The following TSC22D2 variants were observed in gnomAD, a reference collection of about 807,000 sequenced individuals.
TSC22D2 encodes the protein TSC22 domain family member 2, also known as TSC22 domain family protein 2.
A neutral mutation model predicts 50.1 loss-of-function variants in TSC22D2; 5 were observed. The ratio of observed to expected loss-of-function variants is 0.10; its 90% CI spans 0.05 to 0.21. TSC22D2 has a LOEUF of 0.21. Ranked by LOEUF, TSC22D2 falls within the 10% of genes least tolerant of loss-of-function variation. The pLI is 1.00. For missense variants in TSC22D2, 1,003 were observed against 1,015.5 expected (o/e 0.99, Z 0.17); for synonymous variants, 501 against 450.1 (o/e 1.11, Z -1.43).
chr3:150,413,653 C>T (rs1719678389), intron 1 of TSC22D2, among the ~76,000 whole-genome samples: 1 of 149,504 alleles, frequency 6.7e-6, no homozygotes, highest in African/African-American at 2.5e-5. Context: ...AACAGTTTTC[C>T]AGGCATATGT....
chr3:150,457,973 A>G (rs1721242141), intron 2 of TSC22D2, among the ~76,000 whole-genome samples: 1 of 152,210 alleles, frequency 6.6e-6, no homozygotes, highest in Non-Finnish European at 1.5e-5. Flanking sequence ...CCAAAATTTT[A>G]AAGTCCAAAA....
chr3:150,453,467 C>G (rs1450343), intron 1 of TSC22D2, among the ~76,000 whole-genome samples: 1 of 152,136 alleles, frequency 6.6e-6, no homozygotes, highest in Non-Finnish European at 1.5e-5. Context: ...ATTGGTATCT[C>G]CATCGTAAAT....
rs888922300 is a variant in TSC22D2 at position 150,410,326 on chromosome 3, C to T, written c.976C>T (p.Pro326Ser). Residue 326 changes from proline to serine, a missense_variant, in exon 1 of 3, where the codon CCG becomes TCG. Transcript: ENST00000688009. ...GAGPGGQTLP[P>S]TNVTLAQPAM... ...GGGGCCCGGGGGACAGACTCTGCCGCCGACGAATGTAACCCTGGCGCAGCC... is the reference window on the plus strand; with the variant it reads ...GGGGCCCGGGGGACAGACTCTGCCGTCGACGAATGTAACCCTGGCGCAGCC... 3 of 1,580,006 alleles carry T rather than the reference C, an allele frequency of 1.9e-6. No homozygotes were observed. The African/African-American group carries it at 4.1e-5, about 21-fold the overall frequency.
At chr3:150,449,779 G>A (rs1285692125) in intron 1 of TSC22D2, among the ~76,000 whole-genome samples, 1 of 152,090 alleles carries the variant, frequency 6.6e-6, no homozygotes, top group Non-Finnish European at 1.5e-5. Flanking sequence ...GAGGTCGGGA[G>A]AGGAGAGAAA....
chr3:150,458,826 A>G lies in TSC22D2; in HGVS notation c.*190A>G, dbSNP rs527515952. On this transcript the variant is annotated 3_prime_UTR_variant, in exon 3 of 3. Transcript: ENST00000688009. ...ATGTCATGCAGCGCTGTTGATGTCC[A>G]GTTCTATGTCATCAGTACACAAGGA... is the stretch of plus-strand genomic sequence containing the variant. The G allele has an allele frequency of 3.0e-6, 2 of 669,680 alleles. No individual in the cohort carries two copies. The highest frequency in any genetic ancestry group is 2.8e-5 in the East Asian group (1 of 36,032). The allele number at this position is 669,680 out of a possible 1,614,324, so 41.5% of individuals were successfully genotyped here.
At position 150,459,845 on chromosome 3, in the gene TSC22D2, A is replaced by C. The variant is rs1234190644; in HGVS notation, c.*1209A>C. ...TAGTTGTAAAAAAAAAAAAAAAAAA[A>C]AGTGAGCCATCTTTTGTTCATTTAA... On this transcript the variant is annotated 3_prime_UTR_variant, in exon 3 of 3. Transcript: ENST00000688009. The C allele has an allele frequency of 1.4e-5, 2 of 141,830 alleles. No individual in the cohort carries two copies. Among genetic ancestry groups the C allele is most frequent in the African/African-American group, 2.6e-5 (1 of 38,198 alleles). 8.8% of individuals were successfully genotyped at this position (141,830 alleles called of 1,614,324 possible). A position where few individuals can be genotyped will look rare whatever the true frequency, so the allele number is the denominator to read the frequency against.
chr3:150,411,259 G>A lies in TSC22D2; in HGVS notation c.1909G>A (p.Ala637Thr). The change falls in exon 1 of 3, where the codon GCC becomes ACC. Residue 637 changes from alanine to threonine, a missense_variant. Ala to Thr is a moderately conservative substitution (Grantham distance 58). Transcript: ENST00000688009. ...TCAGTTAACACCTATGAACAGTCTG[G>A]CCACCTCTGTATTCAGCATAGCTAT... Reference protein sequence around the residue: ...PLQLTPMNSLATSVFSIAIPV... With the variant: ...PLQLTPMNSLTTSVFSIAIPV... The A allele has an allele frequency of 6.2e-7, 1 of 1,614,164 alleles. No individual in the cohort carries two copies.
In TSC22D2 at chr3:150,458,823, T is replaced by A; in HGVS notation, c.*187T>A. ...GAGATGTCATGCAGCGCTGTTGATG[T>A]CCAGTTCTATGTCATCAGTACACAA... is the stretch of plus-strand genomic sequence containing the variant. On this transcript the variant is annotated 3_prime_UTR_variant, in exon 3 of 3. Coordinates refer to ENST00000688009, the MANE Select transcript of TSC22D2 (RefSeq NM_001303264.2). The A allele has an allele frequency of 1.5e-6, 1 of 680,618 alleles. No individual in the cohort carries two copies. Among genetic ancestry groups the A allele is most frequent in the Non-Finnish European group, 2.5e-6 (1 of 407,734 alleles). The allele number at this position is 680,618 out of a possible 1,614,324, so 42.2% of individuals were successfully genotyped here.
intron 1 of TSC22D2, among the ~76,000 whole-genome samples, chr3:150,413,121 C>T (rs926757124): frequency 1.3e-5 from 2 of 152,134 alleles, no homozygotes; most frequent in Non-Finnish European, 2.9e-5. Context: ...AGGCATGAAG[C>T]AGAGACTTCT....
chr3:150,432,931 A>G (rs1047314854), intron 1 of TSC22D2, among the ~76,000 whole-genome samples: 9 of 152,306 alleles, frequency 5.9e-5, no homozygotes, highest in Admixed American at 5.9e-4. Flanking sequence ...ACATGCTGAT[A>G]GTAATATTCC....
intron 1 of TSC22D2, among the ~76,000 whole-genome samples, chr3:150,456,176 T>G (rs1455628458): frequency 1.4e-5 from 1 of 71,982 alleles, no homozygotes; most frequent in East Asian, 2.7e-4. Flanking sequence ...TGTTGTTTCT[T>G]TTTGTTTTTT....
At chr3:150,439,463 ATC>A (rs1720646651) in intron 1 of TSC22D2, among the ~76,000 whole-genome samples, 1 of 152,214 alleles carries the variant, frequency 6.6e-6, no homozygotes, top group South Asian at 2.1e-4. Flanking sequence ...TAATTAAGTT[ATC>A]TCTTATTCCG....
rs1310433886 is a variant in TSC22D2 at position 150,463,760 on chromosome 3, A to G, written c.*5124A>G. 1 of 152,150 alleles carries G rather than the reference A, an allele frequency of 6.6e-6. No individual in the cohort carries two copies. The highest frequency in any genetic ancestry group is 1.5e-5 in the Non-Finnish European group (1 of 68,022). 9.4% of individuals were successfully genotyped at this position (152,150 alleles called of 1,614,324 possible). On this transcript the variant is annotated 3_prime_UTR_variant, in exon 3 of 3. Coordinates refer to ENST00000688009, the MANE Select transcript of TSC22D2 (RefSeq NM_001303264.2). ...CCCCCCCGAACCCCGCCATGGAATC[A>G]TCAAATAAGAAAAATAAGACAGATT...
At chr3:150,453,001 T>G (rs562983629) in intron 1 of TSC22D2, among the ~76,000 whole-genome samples, 4 of 152,324 alleles carry the variant, frequency 2.6e-5, no homozygotes, top group Non-Finnish European at 4.4e-5. Flanking sequence ...TCTGAACTCA[T>G]TTTTCCCTCA....
At chr3:150,448,899 TAGG>T in intron 1 of TSC22D2, among the ~76,000 whole-genome samples, 1 of 150,624 alleles carries the variant, frequency 6.6e-6, no homozygotes, top group South Asian at 2.1e-4. Flanking sequence ...TATATATAAT[TAGG>T]GGATAAATTT....
At chr3:150,449,303 C>T (rs1018056135) in intron 1 of TSC22D2, among the ~76,000 whole-genome samples, 1 of 152,136 alleles carries the variant, frequency 6.6e-6, no homozygotes. Flanking sequence ...ATAACTCCTT[C>T]ATGAGTCATT....
intron 1 of TSC22D2, among the ~76,000 whole-genome samples, chr3:150,421,199 C>T (rs1719995217): frequency 6.6e-6 from 1 of 152,174 alleles, no homozygotes; most frequent in Admixed American, 6.5e-5. Context: ...CCAAGATACT[C>T]TTTCTTATTC....
chr3:150,409,204 A>G lies in TSC22D2; in HGVS notation c.-147A>G, dbSNP rs1188877614. On this transcript the variant is annotated 5_prime_UTR_variant, in exon 1 of 3. Coordinates refer to ENST00000688009, the MANE Select transcript of TSC22D2 (RefSeq NM_001303264.2). The surrounding 1 kb of genome is among the most constrained non-coding windows in gnomAD (Gnocchi z 7.4). ...GTCTCACCGGGCGGCCAGCGCCTGG[A>G]TCAGCCCGTGACTCTTAACAGCGGC... The G allele has an allele frequency of 4.6e-6, 4 of 872,406 alleles. No homozygotes were observed. The highest frequency in any genetic ancestry group is 1.7e-6 in the Non-Finnish European group (1 of 601,308). The allele number at this position is 872,406 out of a possible 1,614,324, so 54.0% of individuals were successfully genotyped here.
In TSC22D2 at chr3:150,445,479, A is replaced by G. The variant is rs376919328; in HGVS notation, c.1959-11597A>G. On this transcript the variant is annotated intron_variant, in intron 1 of 2. Coordinates refer to ENST00000688009, the MANE Select transcript of TSC22D2 (RefSeq NM_001303264.2). Reference sequence around the variant, plus strand: ...TCAATTAAGGAATAACTAGGATTTTATTTTGGGTGAAACATAAATATAAAA... The same window carrying G: ...TCAATTAAGGAATAACTAGGATTTTGTTTTGGGTGAAACATAAATATAAAA... Among the ~76,000 whole-genome samples, 194 of 152,144 alleles carry G rather than the reference A, an allele frequency of 1.3e-3. 1 individual carries two copies. In the South Asian group the frequency reaches 0.023, roughly 18 times the overall value.
Sources: allele counts gnomAD v4.1 joint callset (sites outside exome capture counted in the v4.1 genomes callset), GRCh38; gene constraint gnomAD v4.1.1; non-coding constraint Gnocchi (gnomAD v3.1); transcripts MANE v1.5; gene names NCBI Gene and HGNC (gene_info 2026-07-23, HGNC 2026-07-21).